The following ANKFN1 variants were observed in gnomAD, a reference collection of about 807,000 sequenced individuals.
ANKFN1 encodes the protein ankyrin repeat and fibronectin type-III domain-containing protein 1.
ANKFN1 carries 74 observed loss-of-function variants against 108.7 expected under a neutral mutation model. The ratio of observed to expected loss-of-function variants is 0.68; its 90% CI spans 0.56 to 0.83. The LOEUF is 0.83. ANKFN1 is among the 40% of genes least tolerant of loss of function. The pLI is 0.00. For missense variants in ANKFN1, 1,505 were observed against 1,382.3 expected (o/e 1.09, Z -1.41); for synonymous variants, 547 against 516.2 (o/e 1.06, Z -0.81).
At chr17:56,404,663 A>T (rs757196116) in intron 8 of ANKFN1, among the ~76,000 whole-genome samples, 34 of 152,194 alleles carry the variant, frequency 2.2e-4, no homozygotes, top group Non-Finnish European at 3.5e-4. Context: ...TTTCAGGTAA[A>T]TCAGGGATTT....
chr17:56,122,985 G>A (rs1906711922), intron 4 of ANKFN1, among the ~76,000 whole-genome samples: 1 of 152,168 alleles, frequency 6.6e-6, no homozygotes, highest in Non-Finnish European at 1.5e-5. Flanking sequence ...CTTTGTATAA[G>A]GTGAGCCTAA....
At chr17:56,488,976 T>C (rs572214850) in intron 18 of ANKFN1, among the ~76,000 whole-genome samples, 1 of 152,362 alleles carries the variant, frequency 6.6e-6, no homozygotes, top group East Asian at 1.9e-4. Context: ...ATATACATTG[T>C]ATTACTTAAT....
chr17:56,108,911 C>T (rs1183632603), intron 4 of ANKFN1, among the ~76,000 whole-genome samples: 1 of 152,224 alleles, frequency 6.6e-6, no homozygotes, highest in Non-Finnish European at 1.5e-5. Flanking sequence ...TTGTAAGCCA[C>T]TTTCTTCCAA....
intron 8 of ANKFN1, among the ~76,000 whole-genome samples, chr17:56,414,709 A>G (rs2048189482): frequency 6.6e-6 from 1 of 152,182 alleles, no homozygotes; most frequent in African/African-American, 2.4e-5. Flanking sequence ...ATAAAATTCA[A>G]CATCCTTTCA....
intron 3 of ANKFN1, among the ~76,000 whole-genome samples, chr17:56,324,259 C>G (rs1349732179): frequency 6.6e-6 from 1 of 152,098 alleles, no homozygotes; most frequent in East Asian, 1.9e-4. Context: ...CATCAATAGG[C>G]TCTAAGTAAC....
In ANKFN1 at chr17:56,153,483, A is replaced by G. The variant is rs1308247022; in HGVS notation, c.-118A>G. 6.2e-7 allele frequency: 1 copy of G among 1,613,774 alleles called. No homozygotes were observed. The stretch of plus-strand genomic sequence containing the variant: ...CCTCCACCCCCCAGGTCCTCTTTCA[A>G]CTCAAGAGCTCAGTCCTGTGTCTCT... On this transcript the variant is annotated 5_prime_UTR_variant, in exon 1 of 21. Transcript: ENST00000682825.
intron 4 of ANKFN1, among the ~76,000 whole-genome samples, chr17:56,057,717 C>T (rs768411561): frequency 2.4e-4 from 37 of 152,030 alleles, no homozygotes; most frequent in Non-Finnish European, 2.4e-4. Flanking sequence ...ACCCAGGAGG[C>T]GGAGGTTGCA....
Position 56,442,949 on chromosome 17 carries a change from G to A in ANKFN1, c.1099+16G>A. 1.2e-6 allele frequency: 2 copies of A among 1,612,466 alleles called. No individual in the cohort carries two copies. Among genetic ancestry groups the A allele is most frequent in the Non-Finnish European group, 1.7e-6 (2 of 1,178,850 alleles). ...TCTCCTTCTAGTAGGTGGTGGCTGT[G>A]AACTCTCTCCAGCATGGTAACAGAC... On this transcript the variant is annotated intron_variant, in intron 10 of 20. Coordinates refer to ENST00000682825, the MANE Select transcript of ANKFN1 (RefSeq NM_001370326.1).
chr17:56,334,727 A>G (rs576043744), intron 4 of ANKFN1, among the ~76,000 whole-genome samples: 3 of 152,234 alleles, frequency 2.0e-5, no homozygotes, highest in South Asian at 4.1e-4. Flanking sequence ...AAGTCAAAAC[A>G]TAAATAAAGT....
chr17:56,510,671 C>T lies in ANKFN1; in HGVS notation c.2843C>T (p.Pro948Leu). ...DVLQVHDVKT[P>L]LGPGQDPQGE... ...CTGCAAGTGCACGACGTGAAAACCC[C>T]TCTGGGGCCGGGCCAGGATCCCCAG... Residue 948 changes from proline (P) to leucine (L), a missense_variant, in exon 21 of 21, where the codon CCT becomes CTT. By Grantham distance (98) the Pro-to-Leu change is moderately conservative (BLOSUM62 -3). Transcript: ENST00000682825. 1.3e-6 allele frequency: 2 copies of T among 1,536,176 alleles called. No homozygotes were observed. The highest frequency in any genetic ancestry group is 2.4e-5 in the South Asian group (2 of 84,066).
chr17:56,245,236 C>G (rs2144025399), intron 3 of ANKFN1, among the ~76,000 whole-genome samples: 1 of 152,244 alleles, frequency 6.6e-6, no homozygotes, highest in South Asian at 2.1e-4. Flanking sequence ...AGGATCTGAA[C>G]CTGTGGTTCC....
intron 3 of ANKFN1, among the ~76,000 whole-genome samples, chr17:56,243,837 G>A (rs1917763652): frequency 6.6e-6 from 1 of 152,098 alleles, no homozygotes; most frequent in Non-Finnish European, 1.5e-5. Context: ...ATGAACTAAG[G>A]AGTGTTTCAA....
At chr17:56,339,177 T>G (rs1234847269) in intron 4 of ANKFN1, among the ~76,000 whole-genome samples, 2 of 120,552 alleles carry the variant, frequency 1.7e-5, no homozygotes, top group Non-Finnish European at 4.1e-5. Flanking sequence ...TTTTCTTTAT[T>G]TCATTTCCAT....
rs543069535 is a variant in ANKFN1 at position 56,330,518 on chromosome 17, C to T, written c.188+4163C>T. On this transcript the variant is annotated intron_variant, in intron 4 of 20. Coordinates refer to ENST00000682825, the MANE Select transcript of ANKFN1 (RefSeq NM_001370326.1). Reference sequence around the variant, plus strand: ...AGCTAGTATTATTAGTCCATAATTTCGCATACCACACTATTTCATAGCTAT... The same window carrying T: ...AGCTAGTATTATTAGTCCATAATTTTGCATACCACACTATTTCATAGCTAT... Among the ~76,000 whole-genome samples the T allele has an allele frequency of 1.1e-4, 16 of 152,240 alleles. No individual in the cohort carries two copies. In the East Asian group the frequency reaches 1.7e-3, roughly 17 times the overall value.
chr17:56,344,497 T>A (rs532084880), intron 4 of ANKFN1, among the ~76,000 whole-genome samples: 3 of 152,174 alleles, frequency 2.0e-5, no homozygotes, highest in African/African-American at 7.2e-5. Flanking sequence ...CAGACAGAGA[T>A]GAGATTTTAG....
chr17:56,115,705 GC>G (rs1906225912), intron 4 of ANKFN1, among the ~76,000 whole-genome samples: 1 of 152,238 alleles, frequency 6.6e-6, no homozygotes, highest in East Asian at 1.9e-4. Context: ...CCACTTTAAT[GC>G]AAAAGGACCT....
chr17:56,185,735 C>T (rs900660930), intron 1 of ANKFN1, among the ~76,000 whole-genome samples: 7 of 152,016 alleles, frequency 4.6e-5, no homozygotes, highest in Non-Finnish European at 8.8e-5. Flanking sequence ...ACTATTAAGT[C>T]GTTTGGGAAA....
At chr17:56,104,701 G>A (rs1338398435) in intron 4 of ANKFN1, among the ~76,000 whole-genome samples, 3 of 152,196 alleles carry the variant, frequency 2.0e-5, no homozygotes, top group African/African-American at 4.8e-5. Flanking sequence ...TCCTGTCCAC[G>A]TTTCCCTTTG....
At chr17:56,127,038 G>A (rs1906976434) in intron 4 of ANKFN1, among the ~76,000 whole-genome samples, 1 of 152,084 alleles carries the variant, frequency 6.6e-6, no homozygotes, top group Non-Finnish European at 1.5e-5. Flanking sequence ...CTCTTAAAAG[G>A]GGCACTGAAG....
Sources: gnomAD v4.1 joint callset for allele counts (sites outside exome capture counted in the v4.1 genomes callset) on GRCh38, gnomAD v4.1.1 for gene constraint, MANE v1.5 for transcripts, NCBI Gene and HGNC (gene_info 2026-07-23, HGNC 2026-07-21) for gene names.